TENM3: variants seen among roughly 807,000 people sequenced by gnomAD.
TENM3 encodes teneurin transmembrane protein 3, also known as teneurin-3.
In TENM3, 63 loss-of-function variants were observed where a neutral mutation model predicts 255.1. The ratio of observed to expected loss-of-function variants is 0.25; its 90% CI spans 0.20 to 0.30. TENM3 has a LOEUF of 0.30. Ranked by LOEUF, TENM3 falls within the 10% of genes least tolerant of loss-of-function variation. TENM3 has a pLI of 1.00. For missense variants in TENM3, 2,929 were observed against 3,461.1 expected, an observed-to-expected ratio of 0.85 and a Z score of 3.86; for synonymous variants, 1,306 against 1,322.3, an observed-to-expected ratio of 0.99 and a Z score of 0.27.
chr4:181,886,908 C>G, the TENM3 span, among the ~76,000 whole-genome samples: 1 of 152,046 alleles, frequency 6.6e-6, no homozygotes, highest in African/African-American at 2.4e-5. Context: ...TGCCTGACAC[C>G]TGCTTGAATG....
At chr4:181,627,189 T>C in the TENM3 span, among the ~76,000 whole-genome samples, 1 of 152,182 alleles carries the variant, frequency 6.6e-6, no homozygotes, top group African/African-American at 2.4e-5. Context: ...GGGTGCTTAA[T>C]ATATGGGGTG....
the TENM3 span, among the ~76,000 whole-genome samples, chr4:181,512,120 C>T: frequency 6.6e-6 from 1 of 152,144 alleles, no homozygotes; most frequent in African/African-American, 2.4e-5. Flanking sequence ...GTCAACATCC[C>T]AGATAGGCCA....
the TENM3 span, among the ~76,000 whole-genome samples, chr4:181,903,545 A>G: frequency 1.3e-5 from 2 of 152,174 alleles, no homozygotes; most frequent in East Asian, 1.9e-4. Flanking sequence ...CCAACGGAAC[A>G]CATCATCCCT....
intron 5 of TENM3, among the ~76,000 whole-genome samples, chr4:182,643,005 C>G (rs1327339834): frequency 6.6e-6 from 1 of 152,058 alleles, no homozygotes; most frequent in Non-Finnish European, 1.5e-5. Context: ...GCAGGAAATC[C>G]AAAACAAAAG....
the TENM3 span, among the ~76,000 whole-genome samples, chr4:181,877,760 C>T: frequency 6.6e-6 from 1 of 152,136 alleles, no homozygotes; most frequent in Non-Finnish European, 1.5e-5. Context: ...GGTGCCAGCC[C>T]TTCCTTGAAG....
chr4:182,500,034 C>T (rs576737694), intron 3 of TENM3, among the ~76,000 whole-genome samples: 31 of 152,232 alleles, frequency 2.0e-4, no homozygotes, highest in African/African-American at 7.5e-4. Flanking sequence ...GACACTTATA[C>T]GACTTCTGGT....
At chr4:181,979,134 ATATATATATATATATATAT>A in the TENM3 span, among the ~76,000 whole-genome samples, 3 of 104,894 alleles carry the variant, frequency 2.9e-5, no homozygotes, top group African/African-American at 1.1e-4. Context: ...ATATATATAT[ATATATATATATATATATAT>A]ATGACATCTT....
the TENM3 span, among the ~76,000 whole-genome samples, chr4:181,919,719 A>G: frequency 1.3e-5 from 2 of 151,176 alleles, no homozygotes; most frequent in East Asian, 3.9e-4. Context: ...ATACAGAAAA[A>G]TTTTTTTTTA....
the TENM3 span, among the ~76,000 whole-genome samples, chr4:181,942,426 C>G: frequency 6.6e-6 from 1 of 151,896 alleles, no homozygotes; most frequent in African/African-American, 2.4e-5. Context: ...CCTAAAGGAC[C>G]ACTTACTTTC....
rs748179280 is a variant in TENM3 at position 182,799,799 on chromosome 4, C to T, written c.7548C>T (p.Ile2516=). The T allele has an allele frequency of 6.2e-7, 1 of 1,605,436 alleles. No individual in the cohort carries two copies. The highest frequency in any genetic ancestry group is 8.5e-7 in the Non-Finnish European group (1 of 1,176,430). ...QGRVQTNVLN[I]ANEDCIKVAA... ...GCGTGCAGACCAACGTGCTCAACAT[C>T]GCCAACGAGGACTGCATCAAGGTGG... Residue 2516 remains isoleucine, a synonymous_variant, in exon 28 of 28, where the codon ATC becomes ATT. Coordinates refer to ENST00000511685, the MANE Select transcript of TENM3 (RefSeq NM_001080477.4). The surrounding 1 kb of genome is among the most constrained non-coding windows in gnomAD (Gnocchi z 4.2).
At chr4:182,230,648 G>A (rs957412383) in intron 1 of TENM3, among the ~76,000 whole-genome samples, 13 of 151,542 alleles carry the variant, frequency 8.6e-5, no homozygotes, top group East Asian at 1.9e-4. Flanking sequence ...CCCTTCCTAC[G>A]CAAAGCAGGG....
chr4:181,520,724 A>G, the TENM3 span, among the ~76,000 whole-genome samples: 1 of 152,176 alleles, frequency 6.6e-6, no homozygotes, highest in Non-Finnish European at 1.5e-5. Context: ...TTTCTCTTTC[A>G]GTATCTACCT....
intron 6 of TENM3, among the ~76,000 whole-genome samples, chr4:182,659,899 G>A (rs1488668878): frequency 1.3e-5 from 2 of 152,206 alleles, no homozygotes; most frequent in South Asian, 2.1e-4. Context: ...GACAAGGAGT[G>A]TAGAGTTACG....
intron 3 of TENM3, among the ~76,000 whole-genome samples, chr4:182,548,198 C>T (rs2151918039): frequency 6.6e-6 from 1 of 152,222 alleles, no homozygotes; most frequent in Non-Finnish European, 1.5e-5. Context: ...GTGCTCCAGC[C>T]TGGGCAACAC....
Position 182,743,230 on chromosome 4 carries a change from G to C in TENM3, c.3440G>C (p.Ser1147Thr). Residue 1147 changes from serine to threonine, a missense_variant, in exon 19 of 28, where the codon AGT (serine) becomes ACT (threonine). By Grantham distance (58) the Ser-to-Thr change is moderately conservative. Transcript: ENST00000511685. ...QFISQQPPVV[S>T]SIMGNGRRRS... ...ATCTCCCAGCAGCCTCCAGTCGTGA[G>C]TAGCATCATGGGCAATGGGCGAAGG... is the stretch of plus-strand genomic sequence containing the variant. 2 of 1,614,038 alleles carry C rather than the reference G, an allele frequency of 1.2e-6. No individual in the cohort carries two copies. Among genetic ancestry groups the C allele is most frequent in the Non-Finnish European group, 1.7e-6 (2 of 1,179,880 alleles).
At chr4:181,657,521 G>T in the TENM3 span, among the ~76,000 whole-genome samples, 1 of 152,088 alleles carries the variant, frequency 6.6e-6, no homozygotes, top group African/African-American at 2.4e-5. Context: ...AAAATAACAG[G>T]TGTTGGTGAT....
intron 12 of TENM3, 36 bp from the exon 13 acceptor site, chr4:182,714,051 T>C (rs920841268): frequency 1.2e-6 from 2 of 1,602,794 alleles, no homozygotes; most frequent in Middle Eastern, 1.7e-4. Flanking sequence ...AACTCAATAC[T>C]CAAATCACTG....
chr4:181,960,013 A>T, the TENM3 span, among the ~76,000 whole-genome samples: 4 of 152,228 alleles, frequency 2.6e-5, no homozygotes, highest in Non-Finnish European at 4.4e-5. Flanking sequence ...AGTTACACAG[A>T]TGGAAAATTA....
chr4:182,258,369 A>T (rs1758565576), intron 1 of TENM3, among the ~76,000 whole-genome samples: 1 of 152,214 alleles, frequency 6.6e-6, no homozygotes, highest in Non-Finnish European at 1.5e-5. Context: ...TTATATCCAA[A>T]GAGAATACTC....
Sources: allele counts gnomAD v4.1 joint callset (sites outside exome capture counted in the v4.1 genomes callset), GRCh38; gene constraint gnomAD v4.1.1; non-coding constraint Gnocchi (gnomAD v3.1); transcripts MANE v1.5; gene names NCBI Gene and HGNC (gene_info 2026-07-23, HGNC 2026-07-21).